SCFD2: variants seen among roughly 807,000 people sequenced by gnomAD.
The protein encoded by SCFD2 is sec1 family domain containing 2, also known as sec1 family domain-containing protein 2.
A neutral mutation model predicts 58.9 loss-of-function variants in SCFD2; 54 were observed. That is an observed-to-expected ratio of 0.92 (90% CI 0.74 to 1.15). The LOEUF (loss-of-function observed/expected upper bound fraction) is 1.15, where lower values mean the gene tolerates loss of function less well. Ranked by LOEUF, SCFD2 falls within the 50% of genes most tolerant of loss-of-function variation. SCFD2 has a pLI of 0.00. For synonymous variants in SCFD2, 321 were observed against 335.9 expected (o/e 0.96, Z 0.49); for missense variants, 805 against 836.6 (o/e 0.96, Z 0.47).
chr4:53,200,220 C>T (rs1560381406), intron 4 of SCFD2, among the ~76,000 whole-genome samples: 1 of 151,990 alleles, frequency 6.6e-6, no homozygotes, highest in South Asian at 2.1e-4. Flanking sequence ...ATGTAATAAT[C>T]CTTCTTCCTA....
intron 5 of SCFD2, among the ~76,000 whole-genome samples, chr4:53,121,001 G>A (rs1467981421): frequency 1.3e-5 from 2 of 152,158 alleles, no homozygotes; most frequent in South Asian, 2.1e-4. Context: ...CTCAATAGAC[G>A]CTTGCCAAGC....
intron 5 of SCFD2, among the ~76,000 whole-genome samples, chr4:53,086,934 A>G (rs893957959): frequency 1.3e-4 from 20 of 152,232 alleles, no homozygotes; most frequent in African/African-American, 4.3e-4. Flanking sequence ...ATGTAGGAAA[A>G]AAGATAGTTG....
chr4:53,147,718 T>C (rs1271808232), intron 4 of SCFD2, among the ~76,000 whole-genome samples: 1 of 152,216 alleles, frequency 6.6e-6, no homozygotes, highest in Non-Finnish European at 1.5e-5. Flanking sequence ...CTAGGCCACA[T>C]TAGAAGAAGA....
chr4:52,966,194 A>G (rs536977069), intron 5 of SCFD2, among the ~76,000 whole-genome samples: 2 of 152,160 alleles, frequency 1.3e-5, no homozygotes, highest in Admixed American at 6.5e-5. Flanking sequence ...AAATGCCAGG[A>G]TTTTGTTGTG....
intron 2 of SCFD2, among the ~76,000 whole-genome samples, chr4:53,328,190 A>ATGTGTGTGTATG (rs1733276751): frequency 1.3e-5 from 2 of 150,674 alleles, no homozygotes; most frequent in African/African-American, 4.9e-5. Flanking sequence ...GTGCACATGT[A>ATGTGTGTGTATG]TGTGTGTGTG....
intron 5 of SCFD2, among the ~76,000 whole-genome samples, chr4:53,128,302 T>C (rs1725692720): frequency 6.6e-6 from 1 of 152,202 alleles, no homozygotes; most frequent in Non-Finnish European, 1.5e-5. Flanking sequence ...ATAGCTGACC[T>C]GATGTGTAAC....
intron 5 of SCFD2, among the ~76,000 whole-genome samples, chr4:52,938,638 C>T (rs1030621678): frequency 6.6e-6 from 1 of 152,108 alleles, no homozygotes; most frequent in African/African-American, 2.4e-5. Flanking sequence ...CTCAAGTGCC[C>T]TATAGCTAAT....
At chr4:53,328,548 T>C (rs186691232) in intron 2 of SCFD2, among the ~76,000 whole-genome samples, 2 of 152,178 alleles carry the variant, frequency 1.3e-5, no homozygotes, top group African/African-American at 4.8e-5. Flanking sequence ...TTGAATAAAA[T>C]ACGAATCTAT....
rs576413255 is a variant in SCFD2, at chr4:53,256,085, G to A, written c.1311+17741C>T. 4.4e-3 allele frequency among the ~76,000 whole-genome samples: 663 copies of A among 150,028 alleles called. 2 individuals carry two copies. The highest frequency in any genetic ancestry group is 0.015 in the African/African-American group (629 of 40,888). On this transcript the variant is annotated intron_variant, in intron 4 of 8. Transcript: ENST00000401642. ...GGGGGCTGACCCCCACCTCCCTCCC[G>A]GACGGGGTGGCTGCCGGGCGGAGAC...
intron 4 of SCFD2, among the ~76,000 whole-genome samples, chr4:53,176,947 C>A (rs1238596775): frequency 5.6e-5 from 7 of 124,674 alleles, no homozygotes; most frequent in African/African-American, 1.5e-4. Context: ...ACAACAATCT[C>A]AAAAAAAAAA....
At chr4:53,352,987 T>C (rs1025285538) in intron 1 of SCFD2, among the ~76,000 whole-genome samples, 1 of 152,224 alleles carries the variant, frequency 6.6e-6, no homozygotes, top group Non-Finnish European at 1.5e-5. Flanking sequence ...GCAGAACTCA[T>C]GTCTGCTGTG....
At chr4:52,926,573 C>T (rs1240739069) in intron 5 of SCFD2, among the ~76,000 whole-genome samples, 1 of 152,262 alleles carries the variant, frequency 6.6e-6, no homozygotes, top group South Asian at 2.1e-4. Flanking sequence ...AGGCCCCTCA[C>T]ATCTGTTTGG....
intron 3 of SCFD2, among the ~76,000 whole-genome samples, chr4:53,293,083 G>T (rs1178233159): frequency 1.3e-5 from 2 of 151,598 alleles, no homozygotes; most frequent in African/African-American, 4.9e-5. Context: ...CAAAAAAAAA[G>T]AAAATGTAGT....
At chr4:53,301,212 T>C (rs1000096474) in intron 3 of SCFD2, among the ~76,000 whole-genome samples, 1 of 151,360 alleles carries the variant, frequency 6.6e-6, no homozygotes, top group African/African-American at 2.4e-5. Context: ...GCAAGACTAA[T>C]AAAGAAGAAA....
chr4:53,364,975 G>T, intron 1 of SCFD2, 129 bp downstream of exon 1: 1 of 1,083,318 alleles, frequency 9.2e-7, no homozygotes, highest in Non-Finnish European at 1.3e-6. Context: ...TAGAGACCGT[G>T]TCCATCTAGT....
intron 5 of SCFD2, among the ~76,000 whole-genome samples, chr4:53,074,001 C>A (rs916993393): frequency 6.6e-6 from 1 of 152,110 alleles, no homozygotes; most frequent in Non-Finnish European, 1.5e-5. Context: ...ACGATAAAGT[C>A]TGCCTTATTA....
At chr4:53,068,295 T>C (rs1346252916) in intron 5 of SCFD2, among the ~76,000 whole-genome samples, 2 of 152,102 alleles carry the variant, frequency 1.3e-5, no homozygotes, top group African/African-American at 4.8e-5. Context: ...AATTTAACTG[T>C]CAGAAATAAA....
intron 8 of SCFD2, among the ~76,000 whole-genome samples, chr4:52,881,634 G>A (rs1014095456): frequency 1.3e-5 from 2 of 152,176 alleles, no homozygotes; most frequent in East Asian, 1.9e-4. Flanking sequence ...GTTCCTGTAC[G>A]TGGTTCCAAA....
intron 5 of SCFD2, among the ~76,000 whole-genome samples, chr4:53,008,522 T>A (rs1722028704): frequency 6.6e-6 from 1 of 152,120 alleles, no homozygotes; most frequent in East Asian, 1.9e-4. Context: ...TAACGTCCAA[T>A]AAATAACAAC....
Sources: allele counts gnomAD v4.1 joint callset (sites outside exome capture counted in the v4.1 genomes callset), GRCh38; gene constraint gnomAD v4.1.1; transcripts MANE v1.5; gene names NCBI Gene and HGNC (gene_info 2026-07-23, HGNC 2026-07-21).